CSNK1D: variants seen among roughly 807,000 people sequenced by gnomAD.
The protein encoded by CSNK1D is casein kinase 1 delta.
CSNK1D carries 16 observed loss-of-function variants against 46.6 expected under a neutral mutation model. The ratio of observed to expected loss-of-function variants is 0.34; its 90% CI spans 0.23 to 0.52. The LOEUF is 0.52. Among genes scored for constraint, CSNK1D ranks in the 20% least tolerant of loss-of-function variants. The pLI, the probability that CSNK1D is intolerant of heterozygous loss-of-function variation, is 0.95. For missense variants in CSNK1D, 398 were observed against 578.4 expected (o/e 0.69, Z 3.20); for synonymous variants, 276 against 228.2 (o/e 1.21, Z -1.89).
chr17:82,261,879 C>T (rs748811989), intron 2 of CSNK1D, among the ~76,000 whole-genome samples: 1 of 152,254 alleles, frequency 6.6e-6, no homozygotes, highest in Non-Finnish European at 1.5e-5. Context: ...CCGGGTTCTA[C>T]ACACGTACTC....
In CSNK1D at chr17:82,250,562, C is replaced by T. The variant is rs1017345509; in HGVS notation, c.885+817G>A. On this transcript the variant is annotated intron_variant, in intron 6 of 8. Coordinates refer to ENST00000314028, the MANE Select transcript of CSNK1D (RefSeq NM_001893.6). The surrounding 1 kb of genome is among the most constrained non-coding windows in gnomAD (Gnocchi z 4.6). Reference sequence around the variant, plus strand: ...GGGCCTGCCTCGCCTGCCATCTCTCCGGGGCCTCCAAGTACTCCCCACGCT... The same window carrying T: ...GGGCCTGCCTCGCCTGCCATCTCTCTGGGGCCTCCAAGTACTCCCCACGCT... 8.9e-5 allele frequency: 22 copies of T among 246,626 alleles called. 1 individual carries two copies. The highest frequency in any genetic ancestry group is 3.1e-3 in the Middle Eastern group (2 of 642). The allele number at this position is 246,626 out of a possible 1,614,324, so 15.3% of individuals were successfully genotyped here. A position where few individuals can be genotyped will look rare whatever the true frequency, so the allele number is the denominator to read the frequency against.
chr17:82,241,725 G>A (rs1396666431), downstream of CSNK1D, among the ~76,000 whole-genome samples: 3 of 152,256 alleles, frequency 2.0e-5, no homozygotes, highest in Non-Finnish European at 4.4e-5. Context: ...TGGAGACAGG[G>A]AAGGCCCGGA....
downstream of CSNK1D, among the ~76,000 whole-genome samples, chr17:82,240,406 C>T (rs550230430): frequency 6.6e-6 from 1 of 152,218 alleles, no homozygotes; most frequent in African/African-American, 2.4e-5. Context: ...GGCACCCCCA[C>T]ATCAGGGCCA....
At chr17:82,245,697 A>C in intron 8 of CSNK1D, 2 of 458,054 alleles carry the variant, frequency 4.4e-6, no homozygotes, top group Non-Finnish European at 4.1e-6. Context: ...GAGGAGAGCA[A>C]CGGCACACGG....
chr17:82,247,872 T>C, intron 8 of CSNK1D: 6 of 985,464 alleles, frequency 6.1e-6, no homozygotes, highest in Non-Finnish European at 7.2e-6. Context: ...CTAGTGAAAT[T>C]ATTAGTGAAT....
downstream of CSNK1D, chr17:82,239,887 G>T (rs1262048655): frequency 1.3e-6 from 1 of 768,414 alleles, no homozygotes; most frequent in South Asian, 6.7e-5. Flanking sequence ...CCAGCGCTTG[G>T]GCTTGTCCTG....
chr17:82,269,138 G>T (rs1419003389), intron 1 of CSNK1D, among the ~76,000 whole-genome samples: 1 of 147,702 alleles, frequency 6.8e-6, no homozygotes, highest in African/African-American at 2.5e-5. Context: ...TGAGTTAAGC[G>T]AACCTAACCA....
At position 82,244,092 on chromosome 17, in the gene CSNK1D, A is replaced by AG; in HGVS notation, c.*688dup. On this transcript the variant is annotated 3_prime_UTR_variant, in exon 9 of 9. Coordinates refer to ENST00000314028, the MANE Select transcript of CSNK1D (RefSeq NM_001893.6). ...AGGCATGTCAATTACGGGAGGAGGGAGGGTGAGACGCCAAAATCAGGTTGA... is the reference window on the plus strand; with the variant it reads ...AGGCATGTCAATTACGGGAGGAGGGAGGGGTGAGACGCCAAAATCAGGTTGA... 3 of 990,282 alleles carry AG rather than the reference A, an allele frequency of 3.0e-6. No homozygotes were observed. In the South Asian group the frequency reaches 1.4e-4, roughly 45 times the overall value. 61.3% of individuals were successfully genotyped at this position (990,282 alleles called of 1,614,324 possible). A position where few individuals can be genotyped will look rare whatever the true frequency, so the allele number is the denominator to read the frequency against.
intron 2 of CSNK1D, among the ~76,000 whole-genome samples, chr17:82,257,703 T>C (rs2051209080): frequency 6.6e-6 from 1 of 152,210 alleles, no homozygotes; most frequent in African/African-American, 2.4e-5. Flanking sequence ...AACGCCAGAC[T>C]GAACAGATCC....
rs1367271405 is a variant in CSNK1D, at chr17:82,248,929, G to A, written c.1143C>T (p.Ile381=). 11 of 1,607,834 alleles carry A rather than the reference G, an allele frequency of 6.8e-6. No individual in the cohort carries two copies. Among genetic ancestry groups the A allele is most frequent in the East Asian group, 2.2e-5 (1 of 44,698 alleles). ...GTCGGCCTGTGAGGTCGGACGAGGA[G>A]ATGTTGACGGGGGCCCCGCGGTGCA... ...MRLHRGAPVN[I]SSSDLTGRQD... The change falls in exon 8 of 9, where the codon ATC becomes ATT. Residue 381 remains isoleucine, a synonymous_variant. Coordinates refer to ENST00000314028, the MANE Select transcript of CSNK1D (RefSeq NM_001893.6). The surrounding 1 kb of genome is among the most constrained non-coding windows in gnomAD (Gnocchi z 4.1).
chr17:82,242,232 A>C, downstream of CSNK1D, among the ~76,000 whole-genome samples: 1 of 150,096 alleles, frequency 6.7e-6, no homozygotes, highest in East Asian at 2.0e-4. Context: ...GGGAAGAGGA[A>C]CCCTATCTCC....
chr17:82,270,873 A>G (rs145992466), intron 1 of CSNK1D, among the ~76,000 whole-genome samples: 1 of 152,146 alleles, frequency 6.6e-6, no homozygotes, highest in Non-Finnish European at 1.5e-5. Context: ...AGCCGCCCGC[A>G]ATCCCGTATC....
downstream of CSNK1D, among the ~76,000 whole-genome samples, chr17:82,240,576 G>A (rs1186087504): frequency 6.6e-6 from 1 of 152,120 alleles, no homozygotes; most frequent in Non-Finnish European, 1.5e-5. Flanking sequence ...AGGTATCTCG[G>A]GCCCTCACCC....
Position 82,254,838 on chromosome 17 carries a change from G to A in CSNK1D, c.336+591C>T, listed in dbSNP as rs1232819777. Among the ~76,000 whole-genome samples the A allele has an allele frequency of 6.9e-5, 9 of 130,332 alleles. 1 individual carries two copies. Among genetic ancestry groups the A allele is most frequent in the African/African-American group, 1.2e-4 (4 of 32,530 alleles). The allele number at this position is 130,332 out of a possible 152,430, so 85.5% of individuals were successfully genotyped here. ...CCTCGAGAAGCCAGTCAGCTGAGCC[G>A]CCGGGGCCTCGAGAAGCCAGTGTGC... On this transcript the variant is annotated intron_variant, in intron 3 of 8. Coordinates refer to ENST00000314028, the MANE Select transcript of CSNK1D (RefSeq NM_001893.6).
At chr17:82,271,881 T>G (rs904877465) in intron 1 of CSNK1D, among the ~76,000 whole-genome samples, 1 of 152,148 alleles carries the variant, frequency 6.6e-6, no homozygotes, top group African/African-American at 2.4e-5. Context: ...GGTGCCCCAG[T>G]TAAAACACAC....
chr17:82,254,194 G>A (rs1262280092), intron 3 of CSNK1D: 23 of 288,046 alleles, frequency 8.0e-5, no homozygotes, highest in Admixed American at 1.7e-4. Flanking sequence ...AGCCGCCGGA[G>A]CCTTGTGAAG....
chr17:82,246,090 C>T, intron 8 of CSNK1D: 2 of 1,575,342 alleles, frequency 1.3e-6, no homozygotes, highest in Non-Finnish European at 1.7e-6. Flanking sequence ...GGCCCCCTGA[C>T]TACCTGTGTC....
chr17:82,251,549 G>C lies in CSNK1D; in HGVS notation c.737-22C>G. ...TCGGCTACAAAACAAGAAACTCAAA[G>C]CTAACTCATGAAACCCAACTGCGAC... is the stretch of plus-strand genomic sequence containing the variant. On this transcript the variant is annotated intron_variant, in intron 5 of 8. Coordinates refer to ENST00000314028, the MANE Select transcript of CSNK1D (RefSeq NM_001893.6). The surrounding 1 kb of genome is among the most constrained non-coding windows in gnomAD (Gnocchi z 4.5). 1 of 1,613,418 alleles carries C rather than the reference G, an allele frequency of 6.2e-7. No individual in the cohort carries two copies.
Position 82,242,872 on chromosome 17 carries a change from C to T in CSNK1D, c.*1909G>A, listed in dbSNP as rs2050762887. The T allele has an allele frequency of 2.0e-6, 2 of 985,436 alleles. No individual in the cohort carries two copies. Among genetic ancestry groups the T allele is most frequent in the African/African-American group, 1.7e-5 (1 of 57,342 alleles). The allele number at this position is 985,436 out of a possible 1,614,324, so 61.0% of individuals were successfully genotyped here. On this transcript the variant is annotated 3_prime_UTR_variant, in exon 9 of 9. Coordinates refer to ENST00000314028, the MANE Select transcript of CSNK1D (RefSeq NM_001893.6). ...TCCGAAGACGCGACCCGGCGAGGCT[C>T]GGGCTGGAACCCGGGCGCAGAGCTG...
Sources: allele counts gnomAD v4.1 joint callset (sites outside exome capture counted in the v4.1 genomes callset), GRCh38; gene constraint gnomAD v4.1.1; non-coding constraint Gnocchi (gnomAD v3.1); transcripts MANE v1.5; gene names NCBI Gene and HGNC (gene_info 2026-07-23, HGNC 2026-07-21).